Variants in SH3GL2 observed in about 807,000 individuals in gnomAD.
SH3GL2 encodes endophilin-A1.
In SH3GL2, 24 loss-of-function variants were observed where a neutral mutation model predicts 46.0. The ratio of observed to expected loss-of-function variants is 0.52; its 90% CI spans 0.38 to 0.73. SH3GL2 has a LOEUF of 0.73. SH3GL2 is among the 30% of genes least tolerant of loss of function. SH3GL2 has a pLI of 0.00. For synonymous variants in SH3GL2, 196 were observed against 147.1 expected (o/e 1.33, Z -2.40); for missense variants, 413 against 424.2 (o/e 0.97, Z 0.23).
Position 17,764,065 on chromosome 9 carries a change from G to A in SH3GL2, c.187+2556G>A, listed in dbSNP as rs73422300. 5.0e-3 allele frequency among the ~76,000 whole-genome samples: 760 copies of A among 152,246 alleles called. 4 individuals are homozygous for A. The highest frequency in any genetic ancestry group is 0.017 in the African/African-American group (716 of 41,548). On this transcript the variant is annotated intron_variant, in intron 3 of 8. Coordinates refer to ENST00000380607, the MANE Select transcript of SH3GL2 (RefSeq NM_003026.5). The stretch of plus-strand genomic sequence containing the variant: ...AATACAATATTGCATGTGCTAATTG[G>A]CTGCCAATATAATGGTTTTGTGACT...
intron 1 of SH3GL2, among the ~76,000 whole-genome samples, chr9:17,653,593 G>A (rs1820003657): frequency 1.3e-5 from 2 of 152,216 alleles, no homozygotes; most frequent in South Asian, 4.2e-4. Context: ...TTCTGTGGTT[G>A]GAATGTGTCC....
intron 1 of SH3GL2, among the ~76,000 whole-genome samples, chr9:17,669,765 G>C (rs73645125): frequency 0.025 from 3,859 of 152,220 alleles, 69 homozygotes; most frequent in African/African-American, 0.033. Context: ...TGAGATAAAT[G>C]CTTATGAGGG....
At chr9:17,704,653 G>T (rs79185101) in intron 1 of SH3GL2, among the ~76,000 whole-genome samples, 1 of 152,096 alleles carries the variant, frequency 6.6e-6, no homozygotes, top group East Asian at 1.9e-4. Context: ...TCTGATTTTT[G>T]ATAAAGTTGA....
At position 17,772,468 on chromosome 9, in the gene SH3GL2, A is replaced by G. The variant is rs1158872805; in HGVS notation, c.187+10959A>G. Among the ~76,000 whole-genome samples the G allele has an allele frequency of 2.0e-5, 3 of 152,184 alleles. No homozygotes were observed. In the East Asian group the frequency reaches 5.8e-4, roughly 29 times the overall value. On this transcript the variant is annotated intron_variant, in intron 3 of 8. Coordinates refer to ENST00000380607, the MANE Select transcript of SH3GL2 (RefSeq NM_003026.5). Reference sequence around the variant, plus strand: ...ATAACTCTTTTTGTCTTGTAAAAGTAAAACTCTATCCCCATTAAGTAATAA... The same window carrying G: ...ATAACTCTTTTTGTCTTGTAAAAGTGAAACTCTATCCCCATTAAGTAATAA...
At chr9:17,776,169 T>A (rs774574021) in intron 3 of SH3GL2, among the ~76,000 whole-genome samples, 1 of 152,016 alleles carries the variant, frequency 6.6e-6, no homozygotes, top group Non-Finnish European at 1.5e-5. Context: ...GCCCCACCCT[T>A]TGTTGAGGTT....
At chr9:17,768,370 CAAAAAAAAAAAA>C (rs34891273) in intron 3 of SH3GL2, among the ~76,000 whole-genome samples, 1 of 67,224 alleles carries the variant, frequency 1.5e-5, no homozygotes, top group Non-Finnish European at 3.1e-5. Context: ...GACTCTGTCT[CAAAAAAAAAAAA>C]AAAAAAAAAC....
At chr9:17,709,621 CATTAT>C in intron 1 of SH3GL2, among the ~76,000 whole-genome samples, 1 of 150,458 alleles carries the variant, frequency 6.6e-6, no homozygotes, top group Non-Finnish European at 1.5e-5. Flanking sequence ...AAACGTTTCT[CATTAT>C]ATTAACATAA....
intron 1 of SH3GL2, among the ~76,000 whole-genome samples, chr9:17,601,888 A>T (rs554085778): frequency 6.6e-6 from 1 of 152,292 alleles, no homozygotes; most frequent in South Asian, 2.1e-4. Context: ...AGGTAAAAGT[A>T]ATTACAATTC....
intron 1 of SH3GL2, among the ~76,000 whole-genome samples, chr9:17,733,078 C>A (rs558310746): frequency 6.6e-6 from 1 of 152,148 alleles, no homozygotes; most frequent in Admixed American, 6.6e-5. Context: ...ATGATATCTT[C>A]CCATCAAATC....
chr9:17,649,567 C>T (rs1429954739), intron 1 of SH3GL2, among the ~76,000 whole-genome samples: 1 of 152,106 alleles, frequency 6.6e-6, no homozygotes, highest in Non-Finnish European at 1.5e-5. Flanking sequence ...TACCACAAAA[C>T]GTATTTTCTG....
At chr9:17,636,711 T>G (rs1819552778) in intron 1 of SH3GL2, among the ~76,000 whole-genome samples, 1 of 152,188 alleles carries the variant, frequency 6.6e-6, no homozygotes, top group Non-Finnish European at 1.5e-5. Context: ...GGAAATGATT[T>G]TAAGTGGATA....
intron 4 of SH3GL2, among the ~76,000 whole-genome samples, 193 bp downstream of exon 4, chr9:17,786,717 TC>T (rs1823967907): frequency 6.6e-6 from 1 of 152,156 alleles, no homozygotes; most frequent in East Asian, 1.9e-4. Flanking sequence ...TTACAAGTTT[TC>T]TTCCCACCCC....
At chr9:17,579,894 C>G (rs1482862455) in intron 1 of SH3GL2, among the ~76,000 whole-genome samples, 1 of 152,218 alleles carries the variant, frequency 6.6e-6, no homozygotes, top group African/African-American at 2.4e-5. Flanking sequence ...CGTGAAACTC[C>G]TTTGAGGCCA....
chr9:17,742,611 A>G (rs988575408), intron 1 of SH3GL2, among the ~76,000 whole-genome samples: 1 of 152,222 alleles, frequency 6.6e-6, no homozygotes, highest in African/African-American at 2.4e-5. Context: ...TAGTATTCAC[A>G]AAACTACATT....
At chr9:17,761,836 GAA>G (rs1823184202) in intron 3 of SH3GL2, among the ~76,000 whole-genome samples, 1 of 152,204 alleles carries the variant, frequency 6.6e-6, no homozygotes, top group African/African-American at 2.4e-5. Flanking sequence ...TGGTAAGAAG[GAA>G]AATTAGGATA....
At chr9:17,742,897 T>C (rs941503617) in intron 1 of SH3GL2, among the ~76,000 whole-genome samples, 1 of 152,240 alleles carries the variant, frequency 6.6e-6, no homozygotes, top group Non-Finnish European at 1.5e-5. Context: ...TCACTTGTTC[T>C]GTTTGATTCG....
intron 1 of SH3GL2, among the ~76,000 whole-genome samples, chr9:17,696,182 C>CT (rs59248549): frequency 0.077 from 11,631 of 151,468 alleles, 618 homozygotes; most frequent in Admixed American, 0.14. Flanking sequence ...CTAAAGAGGA[C>CT]TTTTTTTTTC....
chr9:17,636,624 C>A (rs958772299), intron 1 of SH3GL2, among the ~76,000 whole-genome samples: 3 of 152,126 alleles, frequency 2.0e-5, no homozygotes, highest in African/African-American at 7.2e-5. Flanking sequence ...ATTATTTTCC[C>A]ATTGTGCAAG....
At chr9:17,657,448 CACAA>C (rs1484574513) in intron 1 of SH3GL2, among the ~76,000 whole-genome samples, 1 of 152,090 alleles carries the variant, frequency 6.6e-6, no homozygotes, top group Admixed American at 6.6e-5. Flanking sequence ...GTGGTTGTAC[CACAA>C]ACAGAGGCAG....
Sources: gnomAD v4.1 joint callset for allele counts (sites outside exome capture counted in the v4.1 genomes callset) on GRCh38, gnomAD v4.1.1 for gene constraint, MANE v1.5 for transcripts, NCBI Gene and HGNC (gene_info 2026-07-23, HGNC 2026-07-21) for gene names.